CCNC: variants seen among roughly 807,000 people sequenced by gnomAD.
CCNC encodes the protein cyclin C.
In CCNC, 19 loss-of-function variants were observed where a neutral mutation model predicts 50.0. The observed-to-expected ratio is 0.38, with a 90% CI of 0.27 to 0.56. The LOEUF (loss-of-function observed/expected upper bound fraction) is 0.56, where lower values mean the gene tolerates loss of function less well. Among genes scored for constraint, CCNC ranks in the 20% least tolerant of loss-of-function variants. The pLI is 0.72. For synonymous variants in CCNC, 93 were observed against 103.7 expected (o/e 0.90, Z 0.63); for missense variants, 200 against 327.1 (o/e 0.61, Z 3.00).
intron 9 of CCNC, among the ~76,000 whole-genome samples, chr6:99,546,884 G>A (rs1204245347): frequency 1.3e-5 from 2 of 152,174 alleles, no homozygotes; most frequent in African/African-American, 2.4e-5. Flanking sequence ...TAACAATGTT[G>A]ACTGTGTTTC....
rs746524334 is a variant in CCNC at position 99,551,798 on chromosome 6, A to G, written c.402+42T>C. On this transcript the variant is annotated intron_variant, in intron 6 of 11. Coordinates refer to ENST00000520429, the MANE Select transcript of CCNC (RefSeq NM_005190.4). Reference sequence around the variant, plus strand: ...CTAATATAAAATAGAGCTAGTTTATATATAGCTTTGATAATTGTTCCATTT... The same window carrying G: ...CTAATATAAAATAGAGCTAGTTTATGTATAGCTTTGATAATTGTTCCATTT... The G allele has an allele frequency of 2.4e-6, 3 of 1,237,968 alleles. No homozygotes were observed. In the African/African-American group the frequency reaches 4.7e-5, roughly 19 times the overall value. 76.7% of individuals were successfully genotyped at this position (1,237,968 alleles called of 1,614,324 possible). A position where few individuals can be genotyped will look rare whatever the true frequency, so the allele number is the denominator to read the frequency against.
At chr6:99,568,323 C>T in intron 1 of CCNC, 173 bp downstream of exon 1, 1 of 607,570 alleles carries the variant, frequency 1.6e-6, no homozygotes, top group Non-Finnish European at 2.9e-6. Flanking sequence ...GGGCTGGGGG[C>T]GGGGAGGGGA....
chr6:99,563,075 C>T lies in CCNC; in HGVS notation c.33-127G>A. ...TAACCTTAAAGACAATTATTTCTCA[C>T]ATTTCTTGAAACGTGACTAATAAGA... On this transcript the variant is annotated intron_variant, in intron 1 of 11. Transcript: ENST00000520429. 4.8e-6 allele frequency: 3 copies of T among 621,814 alleles called. No homozygotes were observed. The South Asian group carries it at 5.7e-5, about 12-fold the overall frequency. 38.5% of individuals were successfully genotyped at this position (621,814 alleles called of 1,614,324 possible).
At chr6:99,552,139 AG>A (rs1802326245) in intron 5 of CCNC, among the ~76,000 whole-genome samples, 1 of 152,154 alleles carries the variant, frequency 6.6e-6, no homozygotes, top group Non-Finnish European at 1.5e-5. Context: ...TGTTTAAAAA[AG>A]AAAAAGATCA....
At position 99,550,282 on chromosome 6, in the gene CCNC, A is replaced by C; in HGVS notation, c.466T>G (p.Tyr156Asp). 6.2e-7 allele frequency: 1 copy of C among 1,612,638 alleles called. No individual in the cohort carries two copies. Among genetic ancestry groups the C allele is most frequent in the Non-Finnish European group, 8.5e-7 (1 of 1,179,142 alleles). ...TGCACATACTGGAGCAAAGGTCTAT[A>C]AGGATGATACACTATCAAGCAACAA... ...MDCCLIVYHP[Y>D]RPLLQYVQDM... is the part of the protein sequence containing the mutation. Residue 156 changes from tyrosine to aspartate, a missense_variant, in exon 8 of 12, where the codon TAT becomes GAT. Physicochemically the swap from Tyr to Asp is radical, Grantham distance 160. Transcript: ENST00000520429.
At chr6:99,563,001 T>C in intron 1 of CCNC, 53 bp from the exon 2 acceptor site, 1 of 1,102,594 alleles carries the variant, frequency 9.1e-7, no homozygotes, top group Non-Finnish European at 1.4e-6. Flanking sequence ...GGAAACACTC[T>C]AAGATTGAAC....
chr6:99,568,140 T>C, intron 1 of CCNC: 1 of 296,326 alleles, frequency 3.4e-6, no homozygotes, highest in South Asian at 4.2e-5. Context: ...CCTGAACAGG[T>C]AGCCTCACAG....
rs1327946888 is a variant in CCNC, at chr6:99,542,919, A to G, written c.*636T>C. 1 of 152,576 alleles carries G rather than the reference A, an allele frequency of 6.6e-6. No individual in the cohort carries two copies. Among genetic ancestry groups the G allele is most frequent in the East Asian group, 1.9e-4 (1 of 5,202 alleles). The allele number at this position is 152,576 out of a possible 1,614,324, so 9.5% of individuals were successfully genotyped here. ...AAAATGGTTATGGACTATCATGTTT[A>G]AAATGTCAAAGTATGCTATACATAT... On this transcript the variant is annotated 3_prime_UTR_variant, in exon 12 of 12. Transcript: ENST00000520429.
At chr6:99,545,549 C>T (rs1013668508) in intron 10 of CCNC, among the ~76,000 whole-genome samples, 1 of 152,198 alleles carries the variant, frequency 6.6e-6, no homozygotes, top group Non-Finnish European at 1.5e-5. Flanking sequence ...ATAGAGCACA[C>T]TCCTCTAGTA....
chr6:99,545,155 T>G lies in CCNC; in HGVS notation c.754A>C (p.Thr252Pro). ...KNFDERKEMATILSKMPKPKP... is the reference protein window; with the variant it reads ...KNFDERKEMAPILSKMPKPKP... ...GGTTTTGGCATCTTACTAAGAATGG[T>G]TGCCATCTCTTTTCTCTCATCGAAA... Residue 252 changes from threonine to proline, a missense_variant, in exon 11 of 12, where the codon ACC (threonine) becomes CCC (proline). Transcript: ENST00000520429. The G allele has an allele frequency of 6.2e-7, 1 of 1,611,066 alleles. No homozygotes were observed. Among genetic ancestry groups the G allele is most frequent in the Non-Finnish European group, 8.5e-7 (1 of 1,177,388 alleles).
At chr6:99,557,930 A>C (rs1802608760) in intron 5 of CCNC, 1 of 152,820 alleles carries the variant, frequency 6.5e-6, no homozygotes, top group Non-Finnish European at 1.5e-5. Flanking sequence ...GGTCCATGTA[A>C]GAATAGCCAG....
chr6:99,550,846 A>G (rs1343226347), intron 7 of CCNC, 147 bp downstream of exon 7: 4 of 363,984 alleles, frequency 1.1e-5, no homozygotes, highest in Non-Finnish European at 2.0e-5. Flanking sequence ...TCTAGGTGCT[A>G]ATATAAATAG....
At chr6:99,563,642 A>G (rs940796084) in intron 1 of CCNC, among the ~76,000 whole-genome samples, 3 of 152,188 alleles carry the variant, frequency 2.0e-5, no homozygotes, top group African/African-American at 7.2e-5. Context: ...TGATGGAAAT[A>G]CAGGTCGTCA....
chr6:99,568,593 C>G lies in CCNC; in HGVS notation c.-66G>C. 2.5e-6 allele frequency: 4 copies of G among 1,584,338 alleles called. No individual in the cohort carries two copies. Among genetic ancestry groups the G allele is most frequent in the Non-Finnish European group, 3.4e-6 (4 of 1,166,316 alleles). On this transcript the variant is annotated 5_prime_UTR_variant, in exon 1 of 12. Transcript: ENST00000520429. ...AGCGGCCCGCGGAGCGACCATAGAC[C>G]CAGCCCGTCCGGTAACCGCGCTCCT...
chr6:99,557,080 A>AGAGACAG (rs1165512552), intron 5 of CCNC, among the ~76,000 whole-genome samples: 14 of 152,260 alleles, frequency 9.2e-5, no homozygotes, highest in African/African-American at 3.4e-4. Flanking sequence ...TATTTGACTA[A>AGAGACAG]ACTATTCAGT....
chr6:99,550,913 A>G, intron 7 of CCNC, 80 bp downstream of exon 7: 3 of 755,138 alleles, frequency 4.0e-6, no homozygotes, highest in Non-Finnish European at 5.9e-6. Context: ...GTACCTCTCT[A>G]AAATCATTTC....
rs1284131659 is a variant in CCNC at position 99,568,179 on chromosome 6, T to C, written c.32+317A>G. On this transcript the variant is annotated intron_variant, in intron 1 of 11. Transcript: ENST00000520429. ...TGAGCTGAGTCACACTTCCCGTACC[T>C]GTGCCCACTCTATCCGACCCCCCGC... 4 of 433,476 alleles carry C rather than the reference T, an allele frequency of 9.2e-6. No individual in the cohort carries two copies. In the Admixed American group the frequency reaches 1.1e-4, roughly 12 times the overall value. The allele number at this position is 433,476 out of a possible 1,614,324, so 26.9% of individuals were successfully genotyped here.
intron 5 of CCNC, among the ~76,000 whole-genome samples, chr6:99,552,462 G>A (rs977512488): frequency 6.6e-6 from 1 of 151,778 alleles, no homozygotes; most frequent in Non-Finnish European, 1.5e-5. Context: ...AAGGTCTCGA[G>A]TTACTCATAA....
chr6:99,552,533 CTAAA>C (rs751524732), intron 5 of CCNC, among the ~76,000 whole-genome samples: 1 of 151,838 alleles, frequency 6.6e-6, no homozygotes, highest in Non-Finnish European at 1.5e-5. Context: ...TGGTTAGTCA[CTAAA>C]TAAAGTACAA....
Sources: gnomAD v4.1 joint callset for allele counts (sites outside exome capture counted in the v4.1 genomes callset) on GRCh38, gnomAD v4.1.1 for gene constraint, MANE v1.5 for transcripts, NCBI Gene and HGNC (gene_info 2026-07-23, HGNC 2026-07-21) for gene names.